Variants in TMEM178B observed in about 807,000 individuals in gnomAD.
TMEM178B encodes the protein transmembrane protein 178B.
Under a neutral mutation model 31.0 loss-of-function variants are expected in TMEM178B, and 5 were observed. The ratio of observed to expected loss-of-function variants is 0.16; its 90% CI spans 0.08 to 0.34. The LOEUF is 0.34. Ranked by LOEUF, TMEM178B falls within the 10% of genes least tolerant of loss-of-function variation. TMEM178B has a pLI of 1.00. For synonymous variants in TMEM178B, 164 were observed against 164.0 expected (o/e 1.00, Z 0.00); for missense variants, 275 against 400.3 (o/e 0.69, Z 2.67).
chr7:141,087,995 C>G (rs1794815530), intron 1 of TMEM178B, among the ~76,000 whole-genome samples: 1 of 152,112 alleles, frequency 6.6e-6, no homozygotes, highest in Non-Finnish European at 1.5e-5. Flanking sequence ...GTTTTGGTAA[C>G]CACAGGGCTG....
chr7:141,491,052 G>A, the TMEM178B span, among the ~76,000 whole-genome samples: 1 of 151,728 alleles, frequency 6.6e-6, no homozygotes, highest in African/African-American at 2.4e-5. Context: ...TTTTGAGGCT[G>A]GGTCTTGATC....
chr7:141,361,850 G>T (rs1465681997), intron 2 of TMEM178B, among the ~76,000 whole-genome samples: 1 of 152,146 alleles, frequency 6.6e-6, no homozygotes, highest in African/African-American at 2.4e-5. Context: ...CTTACACCCA[G>T]CCCACTTCAT....
chr7:141,255,988 A>G (rs1286310310), intron 2 of TMEM178B, among the ~76,000 whole-genome samples: 1 of 151,974 alleles, frequency 6.6e-6, no homozygotes, highest in Non-Finnish European at 1.5e-5. Flanking sequence ...CCATCCATCC[A>G]TCTATCCATC....
Position 141,164,301 on chromosome 7 carries a change from A to T in TMEM178B, c.383-48290A>T, listed in dbSNP as rs375749438. Among the ~76,000 whole-genome samples the T allele has an allele frequency of 2.2e-4, 33 of 152,334 alleles. No homozygotes were observed. The South Asian group carries it at 6.8e-3, about 32-fold the overall frequency. On this transcript the variant is annotated intron_variant, in intron 1 of 3. Transcript: ENST00000565468. Reference sequence around the variant, plus strand: ...AAATGTAAAATTTCAGAATGTTATCATTAGAGTGAGATAGGCGAGTCAGTG... The same window carrying T: ...AAATGTAAAATTTCAGAATGTTATCTTTAGAGTGAGATAGGCGAGTCAGTG...
intron 3 of TMEM178B, among the ~76,000 whole-genome samples, chr7:141,456,281 C>A (rs955680252): frequency 1.3e-5 from 2 of 152,166 alleles, no homozygotes; most frequent in African/African-American, 4.8e-5. Context: ...CCATAGAGAT[C>A]TGGTCCTACC....
At chr7:141,402,285 G>A (rs1206414729) in intron 2 of TMEM178B, among the ~76,000 whole-genome samples, 2 of 152,228 alleles carry the variant, frequency 1.3e-5, no homozygotes, top group East Asian at 1.9e-4. Flanking sequence ...TTGCACCTGC[G>A]AGTTTAGCTC....
chr7:141,264,951 C>A (rs1798072945), intron 2 of TMEM178B, among the ~76,000 whole-genome samples: 1 of 152,144 alleles, frequency 6.6e-6, no homozygotes, highest in African/African-American at 2.4e-5. Flanking sequence ...ACATTATTTA[C>A]CAACATTATC....
At chr7:141,307,850 A>G (rs952460589) in intron 2 of TMEM178B, among the ~76,000 whole-genome samples, 3 of 152,210 alleles carry the variant, frequency 2.0e-5, no homozygotes, top group African/African-American at 7.2e-5. Flanking sequence ...CGACATGTTG[A>G]ATGTAAGCCT....
intron 1 of TMEM178B, among the ~76,000 whole-genome samples, chr7:141,186,461 T>G (rs1796611575): frequency 1.3e-5 from 2 of 152,214 alleles, no homozygotes; most frequent in South Asian, 4.1e-4. Context: ...CCATCCGCTG[T>G]CTCTACTTAG....
intron 1 of TMEM178B, among the ~76,000 whole-genome samples, chr7:141,099,924 G>A (rs961103928): frequency 1.3e-5 from 2 of 151,578 alleles, no homozygotes; most frequent in African/African-American, 4.9e-5. Flanking sequence ...CCGCATCCCG[G>A]GTTCACGCCA....
At chr7:141,159,593 T>G (rs1796134308) in intron 1 of TMEM178B, among the ~76,000 whole-genome samples, 1 of 152,204 alleles carries the variant, frequency 6.6e-6, no homozygotes, top group Non-Finnish European at 1.5e-5. Flanking sequence ...TGTGGCATAT[T>G]CATAGAGTGG....
intron 1 of TMEM178B, among the ~76,000 whole-genome samples, chr7:141,178,306 G>C (rs910200050): frequency 1.3e-5 from 2 of 152,208 alleles, no homozygotes; most frequent in African/African-American, 2.4e-5. Context: ...GGATAGAATA[G>C]ACTTTGAAGA....
At chr7:141,411,500 A>C (rs1001674115) in intron 2 of TMEM178B, among the ~76,000 whole-genome samples, 3 of 152,252 alleles carry the variant, frequency 2.0e-5, no homozygotes, top group Admixed American at 6.5e-5. Context: ...CCAAATGAGC[A>C]TTTGTAAAAA....
intron 2 of TMEM178B, among the ~76,000 whole-genome samples, chr7:141,262,300 C>G (rs1175220135): frequency 3.9e-5 from 6 of 151,996 alleles, no homozygotes; most frequent in Non-Finnish European, 8.8e-5. Flanking sequence ...CTCTTTCTCC[C>G]TCTGCTGGCT....
At chr7:141,394,874 C>T (rs1800609369) in intron 2 of TMEM178B, among the ~76,000 whole-genome samples, 1 of 152,216 alleles carries the variant, frequency 6.6e-6, no homozygotes, top group Non-Finnish European at 1.5e-5. Flanking sequence ...TGCCTCACTA[C>T]TCTGAATGTC....
intron 1 of TMEM178B, among the ~76,000 whole-genome samples, chr7:141,083,448 G>A (rs1229030766): frequency 6.6e-6 from 1 of 151,288 alleles, no homozygotes; most frequent in East Asian, 1.9e-4. Flanking sequence ...AGAGGGGCAA[G>A]GCAAAAGTTG....
chr7:141,389,683 A>G (rs1401187549), intron 2 of TMEM178B, among the ~76,000 whole-genome samples: 1 of 152,204 alleles, frequency 6.6e-6, no homozygotes, highest in East Asian at 1.9e-4. Flanking sequence ...TTTACTTTCA[A>G]AATTGTCCTT....
chr7:141,244,505 G>A (rs1586846859), intron 2 of TMEM178B, among the ~76,000 whole-genome samples: 1 of 152,230 alleles, frequency 6.6e-6, no homozygotes, highest in African/African-American at 2.4e-5. Context: ...AGATACACAT[G>A]TGAGTAATTG....
intron 2 of TMEM178B, among the ~76,000 whole-genome samples, chr7:141,249,067 AG>A (rs1797786196): frequency 6.6e-6 from 1 of 152,156 alleles, no homozygotes; most frequent in Non-Finnish European, 1.5e-5. Flanking sequence ...TTATAGAAGA[AG>A]GGCCTACCTG....
Sources: allele counts gnomAD v4.1 joint callset (sites outside exome capture counted in the v4.1 genomes callset), GRCh38; gene constraint gnomAD v4.1.1; transcripts MANE v1.5; gene names NCBI Gene and HGNC (gene_info 2026-07-23, HGNC 2026-07-21).